TBXAS1: variants seen among roughly 807,000 people sequenced by gnomAD.
TBXAS1 encodes thromboxane-A synthase.
TBXAS1 carries 48 observed loss-of-function variants against 60.7 expected under a neutral mutation model. The ratio of observed to expected loss-of-function variants is 0.79; its 90% CI spans 0.63 to 1.01. TBXAS1 has a LOEUF of 1.01. TBXAS1 is among the 50% of genes least tolerant of loss of function. TBXAS1 has a pLI of 0.00. For missense variants in TBXAS1, 685 were observed against 686.3 expected (o/e 1.00, Z 0.02); for synonymous variants, 287 against 269.7 (o/e 1.06, Z -0.63).
In TBXAS1 at chr7:140,013,202, T is replaced by C. The variant is rs1333869143; in HGVS notation, c.1227-2521T>C. The stretch of plus-strand genomic sequence containing the variant: ...ACAGGTAAGACTGTTGTCTGGCAAG[T>C]GAACTGTTTGCTCACGCAAGCAAAC... On this transcript the variant is annotated intron_variant, in intron 10 of 12. Coordinates refer to ENST00000448866, the MANE Select transcript of TBXAS1 (RefSeq NM_001061.7). This position sits in a 1 kb window ranked among gnomAD's most constrained non-coding sequence, Gnocchi z 4.2. Among the ~76,000 whole-genome samples, 2 of 152,132 alleles carry C rather than the reference T, an allele frequency of 1.3e-5. No homozygotes were observed. Among genetic ancestry groups the C allele is most frequent in the Non-Finnish European group, 2.9e-5 (2 of 68,016 alleles).
At chr7:139,996,566 C>A (rs185459564) in intron 9 of TBXAS1, among the ~76,000 whole-genome samples, 19 of 152,370 alleles carry the variant, frequency 1.2e-4, no homozygotes, top group Non-Finnish European at 2.6e-4. Flanking sequence ...GATGCTGCCC[C>A]ACCCATGTGG....
intron 3 of TBXAS1, among the ~76,000 whole-genome samples, chr7:139,784,534 C>T (rs1336595645): frequency 2.6e-5 from 4 of 152,268 alleles, no homozygotes; most frequent in East Asian, 3.9e-4. Flanking sequence ...GGAGGTGGCA[C>T]GTCTGTGCCT....
At chr7:139,857,586 C>A (rs1032049759) in intron 1 of TBXAS1, among the ~76,000 whole-genome samples, 1 of 152,132 alleles carries the variant, frequency 6.6e-6, no homozygotes, top group Non-Finnish European at 1.5e-5. Flanking sequence ...TAGAAACACA[C>A]GTTGTGTGTG....
upstream of TBXAS1, among the ~76,000 whole-genome samples, chr7:139,825,607 G>T (rs1384684777): frequency 6.6e-6 from 1 of 152,208 alleles, no homozygotes; most frequent in Non-Finnish European, 1.5e-5. Flanking sequence ...TGGGAGCTGT[G>T]CTGGGTGCAC....
At chr7:139,821,378 T>C (rs1010030440) in intron 4 of TBXAS1, among the ~76,000 whole-genome samples, 2 of 152,160 alleles carry the variant, frequency 1.3e-5, no homozygotes, top group African/African-American at 4.8e-5. Flanking sequence ...AGAATAGATT[T>C]GGGAGTGAAC....
chr7:139,921,325 T>C (rs1806453003), intron 4 of TBXAS1, among the ~76,000 whole-genome samples: 1 of 152,212 alleles, frequency 6.6e-6, no homozygotes, highest in Non-Finnish European at 1.5e-5. Flanking sequence ...TTCATGTAAA[T>C]GTAAACTTAC....
At chr7:139,797,329 A>G (rs1246652549) in intron 4 of TBXAS1, 1 of 152,154 alleles carries the variant, frequency 6.6e-6, no homozygotes, top group African/African-American at 2.4e-5. Context: ...GAAAGAACAC[A>G]GTTGGGTGGC....
intron 2 of TBXAS1, among the ~76,000 whole-genome samples, chr7:139,874,407 G>C (rs559502496): frequency 1.3e-5 from 2 of 152,296 alleles, no homozygotes; most frequent in East Asian, 3.9e-4. Context: ...CCTCTGGAGA[G>C]CCTCCACATA....
intron 10 of TBXAS1, among the ~76,000 whole-genome samples, chr7:140,014,149 T>C (rs1018648261): frequency 2.0e-5 from 3 of 152,098 alleles, no homozygotes; most frequent in African/African-American, 7.2e-5. Flanking sequence ...AAGAGGTCAA[T>C]GAGAGACGAG....
At chr7:139,992,999 C>T (rs939979775) in intron 9 of TBXAS1, among the ~76,000 whole-genome samples, 1 of 152,032 alleles carries the variant, frequency 6.6e-6, no homozygotes, top group Non-Finnish European at 1.5e-5. Context: ...GGAAAAACCC[C>T]GTCTCTACTA....
At chr7:139,865,808 GA>G (rs1801357893) in intron 1 of TBXAS1, among the ~76,000 whole-genome samples, 1 of 99,620 alleles carries the variant, frequency 1.0e-5, no homozygotes, top group Non-Finnish European at 2.0e-5. Context: ...AGGAAAGAAG[GA>G]AGGAAGGGAG....
chr7:139,793,871 C>T (rs1398131606), intron 4 of TBXAS1, among the ~76,000 whole-genome samples: 1 of 152,202 alleles, frequency 6.6e-6, no homozygotes, highest in African/African-American at 2.4e-5. Context: ...ATCATTCCTT[C>T]TTACCTCTCT....
chr7:139,886,585 C>A (rs1803131984), intron 3 of TBXAS1, among the ~76,000 whole-genome samples: 1 of 152,042 alleles, frequency 6.6e-6, no homozygotes, highest in Non-Finnish European at 1.5e-5. Context: ...AGGATTGAAT[C>A]AAAACTACTG....
chr7:139,779,047 A>G (rs1447758304), intron 1 of TBXAS1, among the ~76,000 whole-genome samples: 2 of 152,190 alleles, frequency 1.3e-5, no homozygotes, highest in Admixed American at 6.5e-5. Flanking sequence ...AAGGGCAACT[A>G]TTGTTTCATA....
chr7:139,866,017 T>A (rs1801394919), intron 1 of TBXAS1, among the ~76,000 whole-genome samples: 2 of 152,178 alleles, frequency 1.3e-5, no homozygotes, highest in Non-Finnish European at 2.9e-5. Flanking sequence ...GAAAATGTGT[T>A]TTCTCTCTCT....
At chr7:139,835,559 A>G (rs1465891493) in intron 1 of TBXAS1, among the ~76,000 whole-genome samples, 2 of 152,246 alleles carry the variant, frequency 1.3e-5, no homozygotes, top group Non-Finnish European at 2.9e-5. Context: ...CAGAAAAAGC[A>G]TTTGACAAAA....
intron 2 of TBXAS1, among the ~76,000 whole-genome samples, chr7:139,872,634 A>G (rs1801907679): frequency 6.6e-6 from 1 of 152,226 alleles, no homozygotes; most frequent in African/African-American, 2.4e-5. Context: ...AGCCTGGGCA[A>G]CAAGAGCAAA....
At chr7:139,817,104 C>T (rs187273741) in intron 4 of TBXAS1, among the ~76,000 whole-genome samples, 97 of 152,288 alleles carry the variant, frequency 6.4e-4, no homozygotes, top group Middle Eastern at 3.4e-3. Flanking sequence ...CTGAATCCTC[C>T]TCCACCGATC....
intron 3 of TBXAS1, among the ~76,000 whole-genome samples, chr7:139,880,535 G>A (rs1802618362): frequency 6.6e-6 from 1 of 152,142 alleles, no homozygotes; most frequent in Admixed American, 6.5e-5. Context: ...CCTTCACAGA[G>A]GCAACCTCTC....
Sources: gnomAD v4.1 joint callset for allele counts (sites outside exome capture counted in the v4.1 genomes callset) on GRCh38, gnomAD v4.1.1 for gene constraint, Gnocchi (gnomAD v3.1) non-coding constraint, MANE v1.5 for transcripts, NCBI Gene and HGNC (gene_info 2026-07-23, HGNC 2026-07-21) for gene names.